TBX10: variants seen among roughly 807,000 people sequenced by gnomAD.
TBX10 encodes the protein T-box transcription factor TBX10.
TBX10 carries 26 observed loss-of-function variants against 32.4 expected under a neutral mutation model. That is an observed-to-expected ratio of 0.80 (90% CI 0.59 to 1.11). TBX10 has a LOEUF of 1.11. Among genes scored for constraint, TBX10 ranks in the 50% most tolerant of loss-of-function variants. The probability of loss-of-function intolerance (pLI) is 0.00; values close to 1 mark genes in which losing one functional copy is unlikely to be tolerated. For missense variants in TBX10, 490 were observed against 494.5 expected, an observed-to-expected ratio of 0.99 and a Z score of 0.09; for synonymous variants, 195 against 203.1, an observed-to-expected ratio of 0.96 and a Z score of 0.34.
At position 67,632,397 on chromosome 11, in the gene TBX10, C is replaced by T; in HGVS notation, c.789G>A (p.Arg263=). 2.5e-6 allele frequency: 4 copies of T among 1,612,704 alleles called. No homozygotes were observed. The highest frequency in any genetic ancestry group is 4.5e-5 in the East Asian group (2 of 44,876). The change falls in exon 7 of 8, where the codon CGG becomes CGA. Residue 263 remains arginine, a synonymous_variant. Coordinates refer to ENST00000335385, the MANE Select transcript of TBX10 (RefSeq NM_005995.5). Reference sequence around the variant, plus strand: ...TCCGGGCTGGGACACTGAGCAGGGGCCGTGGGGCCACAGGCCTGAAAGAGC... The same window carrying T: ...TCCGGGCTGGGACACTGAGCAGGGGTCGTGGGGCCACAGGCCTGAAAGAGC... ...SDLDSWPVAP[R]PLLSVPARSH... is the part of the protein sequence containing the mutation.
intron 1 of TBX10, among the ~76,000 whole-genome samples, chr11:67,637,934 G>A (rs570656047): frequency 5.9e-5 from 9 of 152,162 alleles, no homozygotes; most frequent in South Asian, 2.1e-4. Context: ...TGGGCCGGGC[G>A]CGGTGGCTCA....
chr11:67,639,393 TCCC>T, intron 1 of TBX10, 70 bp downstream of exon 1: 15 of 726,886 alleles, frequency 2.1e-5, no homozygotes, highest in Middle Eastern at 3.1e-4. Flanking sequence ...CTGTCTTGGT[TCCC>T]ACCCTGCCCA....
At chr11:67,639,338 G>A (rs938109784) in intron 1 of TBX10, 128 bp downstream of exon 1, 5 of 1,359,158 alleles carry the variant, frequency 3.7e-6, no homozygotes, top group South Asian at 1.3e-5. Flanking sequence ...TTAGCCTGGG[G>A]TGCCCCTGCC....
chr11:67,635,323 A>G lies in TBX10; in HGVS notation c.8-60T>C, dbSNP rs1591125027. On this transcript the variant is annotated intron_variant, in intron 1 of 7. Transcript: ENST00000335385. ...ATCACCCAGCCAGCTCTTATCCTTC[A>G]GGCTGCACCTATATGCCTCTTCCTC... The G allele has an allele frequency of 3.1e-6, 5 of 1,608,560 alleles. No homozygotes were observed. The East Asian group carries it at 8.9e-5, about 29-fold the overall frequency.
Position 67,639,625 on chromosome 11 carries a change from C to T in TBX10, c.-153G>A, listed in dbSNP as rs1855378471. 1.0e-6 allele frequency: 1 copy of T among 997,596 alleles called. No homozygotes were observed. Among genetic ancestry groups the T allele is most frequent in the East Asian group, 2.6e-5 (1 of 38,400 alleles). 61.8% of individuals were successfully genotyped at this position (997,596 alleles called of 1,614,324 possible). A position where few individuals can be genotyped will look rare whatever the true frequency, so the allele number is the denominator to read the frequency against. The stretch of plus-strand genomic sequence containing the variant: ...AGCTGTAGTCTCTCGGCAGGACGGT[C>T]CTTGCCTCCTCGATCGCCCTTCGTC... On this transcript the variant is annotated 5_prime_UTR_variant, in exon 1 of 8. Transcript: ENST00000335385.
chr11:67,635,364 G>T, intron 1 of TBX10, 101 bp from the exon 2 acceptor site: 2 of 1,523,526 alleles, frequency 1.3e-6, no homozygotes, highest in East Asian at 4.6e-5. Flanking sequence ...AGCCCTCCCT[G>T]ACTGCCAGGG....
chr11:67,631,859 G>C lies in TBX10; in HGVS notation c.904C>G (p.Pro302Ala). 1.9e-6 allele frequency: 3 copies of C among 1,577,608 alleles called. No homozygotes were observed. Among genetic ancestry groups the C allele is most frequent in the Non-Finnish European group, 2.6e-6 (3 of 1,161,690 alleles). Residue 302 changes from proline to alanine, a missense_variant, in exon 8 of 8, where the codon CCT becomes GCT. Transcript: ENST00000335385. ...NKASASTSKT[P>A]AWLHHQLLPP... ...AGCAGCTGATGATGGAGCCAAGCAG[G>C]GGTCTTGGAGGTGGAAGCTGAAGCT...
At chr11:67,637,951 T>C (rs1855353385) in intron 1 of TBX10, among the ~76,000 whole-genome samples, 1 of 152,212 alleles carries the variant, frequency 6.6e-6, no homozygotes, top group Non-Finnish European at 1.5e-5. Flanking sequence ...CTCATGCCTG[T>C]AATCCCAGCA....
rs775191487 is a variant in TBX10, at chr11:67,631,791, A to T, written c.972T>A (p.Pro324=). The change falls in exon 8 of 8, where the codon CCT becomes CCA. Residue 324 remains proline (P), a synonymous_variant. Coordinates refer to ENST00000335385, the MANE Select transcript of TBX10 (RefSeq NM_005995.5). The part of the protein sequence containing the change: ...EVLLAPATYR[P]VTYQSLYSGA... ...CAGAGTACAGGCTCTGATACGTGAC[A>T]GGCCTGTAGGTGGCCGGGGCCAGCA... The T allele has an allele frequency of 6.3e-7, 1 of 1,597,880 alleles. No homozygotes were observed. Among genetic ancestry groups the T allele is most frequent in the Non-Finnish European group, 8.5e-7 (1 of 1,172,674 alleles).
upstream of TBX10, among the ~76,000 whole-genome samples, chr11:67,640,176 A>T (rs148293102): frequency 3.3e-3 from 507 of 152,338 alleles, 4 homozygotes; most frequent in East Asian, 0.034. Flanking sequence ...GAGTGCAGTC[A>T]GCATAGAGCC....
At position 67,634,866 on chromosome 11, in the gene TBX10, G is replaced by A. The variant is rs750877078; in HGVS notation, c.327C>T (p.Ala109=). Residue 109 remains alanine, a synonymous_variant, in exon 3 of 8, where the codon GCC becomes GCT. Coordinates refer to ENST00000335385, the MANE Select transcript of TBX10 (RefSeq NM_005995.5). ...QVKILGMDSL[A]DYALLMDFIP... is the part of the protein sequence containing the mutation. ...TGAAGTCCATGAGCAGGGCGTAGTC[G>A]GCCAGGGAGTCCATGCCCAGGATCT... 8.7e-6 allele frequency: 14 copies of A among 1,613,436 alleles called. No individual in the cohort carries two copies. The highest frequency in any genetic ancestry group is 4.4e-5 in the South Asian group (4 of 91,078).
chr11:67,638,246 A>G (rs1855357587), intron 1 of TBX10, among the ~76,000 whole-genome samples: 1 of 151,564 alleles, frequency 6.6e-6, no homozygotes, highest in Admixed American at 6.6e-5. Flanking sequence ...AATATAAATA[A>G]ATAAAAAGGT....
intron 1 of TBX10, 66 bp downstream of exon 1, chr11:67,639,400 C>CG: frequency 1.4e-6 from 1 of 712,988 alleles, no homozygotes; most frequent in Non-Finnish European, 2.5e-6. Context: ...GGTTCCCACC[C>CG]TGCCCACCCA....
intron 1 of TBX10, among the ~76,000 whole-genome samples, chr11:67,638,238 T>C (rs1380826196): frequency 1.4e-5 from 2 of 146,256 alleles, no homozygotes; most frequent in Non-Finnish European, 3.0e-5. Context: ...AATAAATAAA[T>C]ATAAATAAAT....
chr11:67,632,844 G>A, intron 5 of TBX10, 104 bp downstream of exon 5: 1 of 1,588,734 alleles, frequency 6.3e-7, no homozygotes, highest in South Asian at 1.1e-5. Flanking sequence ...AGGGCAAGTT[G>A]GGAGGGCAGT....
At chr11:67,641,636 G>A (rs1855407999), upstream of TBX10, among the ~76,000 whole-genome samples, 2 of 152,318 alleles carry the variant, frequency 1.3e-5, no homozygotes, top group South Asian at 2.1e-4. Context: ...GGGTGGGGGT[G>A]TAGAGGGCTG....
chr11:67,637,880 A>T (rs964044379), intron 1 of TBX10, among the ~76,000 whole-genome samples: 1 of 152,222 alleles, frequency 6.6e-6, no homozygotes, highest in Non-Finnish European at 1.5e-5. Flanking sequence ...TACAATGTGA[A>T]TGTAATTAAT....
Position 67,634,049 on chromosome 11 carries a change from G to A in TBX10, c.549+140C>T. 4 of 1,207,444 alleles carry A rather than the reference G, an allele frequency of 3.3e-6. No homozygotes were observed. The South Asian group carries it at 3.7e-5, about 11-fold the overall frequency. The allele number at this position is 1,207,444 out of a possible 1,614,324, so 74.8% of individuals were successfully genotyped here. ...CCTGCTGTGCCACCCCCAGCCAGGT[G>A]AGCTCGCCACCCCGGCTCCCCGCCC... On this transcript the variant is annotated intron_variant, in intron 4 of 7. Coordinates refer to ENST00000335385, the MANE Select transcript of TBX10 (RefSeq NM_005995.5).
chr11:67,640,814 C>T (rs981800679), upstream of TBX10, among the ~76,000 whole-genome samples: 1 of 152,124 alleles, frequency 6.6e-6, no homozygotes. Context: ...TCTCCCTGAG[C>T]GCTATGTTCT....
Sources: allele counts gnomAD v4.1 joint callset (sites outside exome capture counted in the v4.1 genomes callset), GRCh38; gene constraint gnomAD v4.1.1; transcripts MANE v1.5; gene names NCBI Gene and HGNC (gene_info 2026-07-23, HGNC 2026-07-21).